FXN: variants seen among roughly 807,000 people sequenced by gnomAD.
FXN encodes frataxin, mitochondrial.
In FXN, 14 loss-of-function variants were observed where a neutral mutation model predicts 22.4. The observed-to-expected ratio is 0.62, with a 90% CI of 0.41 to 0.98. The LOEUF is 0.98. FXN is among the 50% of genes least tolerant of loss of function. FXN has a pLI of 0.00. For synonymous variants in FXN, 120 were observed against 114.1 expected (o/e 1.05, Z -0.33); for missense variants, 267 against 268.4 (o/e 0.99, Z 0.04).
At chr9:69,047,662 A>G (rs900154968) in intron 2 of FXN, among the ~76,000 whole-genome samples, 11 of 152,216 alleles carry the variant, frequency 7.2e-5, no homozygotes, top group Non-Finnish European at 2.9e-5. Context: ...TTGGGGTTCC[A>G]CAGGGTGTTT....
intron 3 of FXN, among the ~76,000 whole-genome samples, chr9:69,060,173 T>A (rs11144981): frequency 6.6e-6 from 1 of 151,818 alleles, no homozygotes; most frequent in Admixed American, 6.6e-5. Flanking sequence ...TCGAGACCAT[T>A]CTGGCTAACA....
intron 3 of FXN, among the ~76,000 whole-genome samples, chr9:69,056,457 TAACAC>T (rs1831960471): frequency 6.6e-6 from 1 of 152,176 alleles, no homozygotes; most frequent in African/African-American, 2.4e-5. Context: ...GGCAGAAACT[TAACAC>T]TAACATGTAT....
In FXN at chr9:69,075,735, C is replaced by T. The variant is rs768315920; in HGVS notation, c.*2973C>T. The T allele has an allele frequency of 2.9e-5, 28 of 980,764 alleles. No individual in the cohort carries two copies. Among genetic ancestry groups the T allele is most frequent in the Admixed American group, 1.8e-4 (3 of 16,242 alleles). The allele number at this position is 980,764 out of a possible 1,614,324, so 60.8% of individuals were successfully genotyped here. ...ACAATCTTAGAAAACTTTTTTTTCC[C>T]CTTTCTATTTTTTGAGACAGGATCT... is the stretch of plus-strand genomic sequence containing the variant. On this transcript the variant is annotated 3_prime_UTR_variant, in exon 5 of 5. Transcript: ENST00000484259.
rs188391059 is a variant in FXN, at chr9:69,075,956, C to T, written c.*3194C>T. ...TTAGGCTCAAGTGATCCACCTGCCTCGTCCTCCCAAGATGCTGGGATTACA... is the reference window on the plus strand; with the variant it reads ...TTAGGCTCAAGTGATCCACCTGCCTTGTCCTCCCAAGATGCTGGGATTACA... On this transcript the variant is annotated 3_prime_UTR_variant, in exon 5 of 5. Coordinates refer to ENST00000484259, the MANE Select transcript of FXN (RefSeq NM_000144.5). 3,743 of 901,822 alleles carry T rather than the reference C, an allele frequency of 4.2e-3. 8 individuals carry two copies. The highest frequency in any genetic ancestry group is 4.8e-3 in the Non-Finnish European group (3,599 of 754,328). 55.9% of individuals were successfully genotyped at this position (901,822 alleles called of 1,614,324 possible).
rs896258611 is a variant in FXN, at chr9:69,041,981, G to A, written c.166-4404G>A. On this transcript the variant is annotated intron_variant, in intron 1 of 4. Coordinates refer to ENST00000484259, the MANE Select transcript of FXN (RefSeq NM_000144.5). ...ATCATGGCCAGGTGCGGTGGCTTAC[G>A]CCTGTAATCCCAGCACTTTGGGAGG... Among the ~76,000 whole-genome samples, 8 of 152,234 alleles carry A rather than the reference G, an allele frequency of 5.3e-5. No individual in the cohort carries two copies. The East Asian group carries it at 7.7e-4, about 15-fold the overall frequency.
At chr9:69,051,223 T>C (rs1191904221) in intron 2 of FXN, among the ~76,000 whole-genome samples, 1 of 152,216 alleles carries the variant, frequency 6.6e-6, no homozygotes, top group East Asian at 1.9e-4. Flanking sequence ...CTCAGGCTCC[T>C]GAGGAGCTAG....
chr9:69,051,935 C>A lies in FXN; in HGVS notation c.264-1205C>A, dbSNP rs2481600. Among the ~76,000 whole-genome samples the A allele has an allele frequency of 2.0e-5, 3 of 151,768 alleles. 1 individual carries two copies. Among genetic ancestry groups the A allele is most frequent in the African/African-American group, 7.3e-5 (3 of 41,318 alleles). ...CCACCTCAGCTCACTGCAACCTCCG[C>A]CCCCTGGATTCAAGAGATTATCCTG... On this transcript the variant is annotated intron_variant, in intron 2 of 4. Coordinates refer to ENST00000484259, the MANE Select transcript of FXN (RefSeq NM_000144.5).
At chr9:69,054,292 G>T (rs1416811516) in intron 3 of FXN, among the ~76,000 whole-genome samples, 1 of 152,186 alleles carries the variant, frequency 6.6e-6, no homozygotes, top group Non-Finnish European at 1.5e-5. Flanking sequence ...GAGCCACCAG[G>T]TCCGGCCTGG....
intron 1 of FXN, among the ~76,000 whole-genome samples, chr9:69,036,857 C>T (rs1316569404): frequency 2.0e-5 from 3 of 152,040 alleles, no homozygotes; most frequent in African/African-American, 7.3e-5. Context: ...TAATGAGGGT[C>T]TTGAAGATGC....
At chr9:69,051,567 A>G (rs1831850727) in intron 2 of FXN, among the ~76,000 whole-genome samples, 2 of 152,220 alleles carry the variant, frequency 1.3e-5, no homozygotes, top group African/African-American at 4.8e-5. Flanking sequence ...CCAAAAATAT[A>G]AAGTTGACAT....
chr9:69,077,517 AAGTC>A lies in FXN; in HGVS notation c.*4758_*4761del. The A allele has an allele frequency of 1.0e-6, 1 of 985,460 alleles. No homozygotes were observed. Among genetic ancestry groups the A allele is most frequent in the South Asian group, 4.7e-5 (1 of 21,288 alleles). 61.0% of individuals were successfully genotyped at this position (985,460 alleles called of 1,614,324 possible). The stretch of plus-strand genomic sequence containing the variant: ...CTCAAAGATTTTCTTCTCCTGTGGA[AAGTC>A]AGACCTCTGAGGCCCCATCCAGGTA... On this transcript the variant is annotated 3_prime_UTR_variant, in exon 5 of 5. Coordinates refer to ENST00000484259, the MANE Select transcript of FXN (RefSeq NM_000144.5).
intron 3 of FXN, among the ~76,000 whole-genome samples, chr9:69,054,925 T>C (rs1291824335): frequency 2.6e-5 from 4 of 152,112 alleles, no homozygotes; most frequent in East Asian, 1.9e-4. Context: ...ACTAAAGCGA[T>C]AGAAATAGTA....
chr9:69,074,233 C>T lies in FXN; in HGVS notation c.*1471C>T. ...TAATAATAGCCATCCTTTATTGTAC[C>T]CTTACTGGGTTAATCGTATTATACC... On this transcript the variant is annotated 3_prime_UTR_variant, in exon 5 of 5. Transcript: ENST00000484259. 1 of 970,110 alleles carries T rather than the reference C, an allele frequency of 1.0e-6. No homozygotes were observed. Among genetic ancestry groups the T allele is most frequent in the Admixed American group, 6.2e-5 (1 of 16,210 alleles). The allele number at this position is 970,110 out of a possible 1,614,324, so 60.1% of individuals were successfully genotyped here. A position where few individuals can be genotyped will look rare whatever the true frequency, so the allele number is the denominator to read the frequency against.
intron 1 of FXN, among the ~76,000 whole-genome samples, chr9:69,038,193 T>C (rs535285154): frequency 6.6e-6 from 1 of 152,344 alleles, no homozygotes; most frequent in African/African-American, 2.4e-5. Flanking sequence ...CCCTTGCACA[T>C]CTTGGGTATT....
chr9:69,056,196 G>A lies in FXN; in HGVS notation c.384+2936G>A, dbSNP rs117732297. 9.8e-3 allele frequency among the ~76,000 whole-genome samples: 1,495 copies of A among 152,290 alleles called. 8 individuals carry two copies. The highest frequency in any genetic ancestry group is 0.016 in the Non-Finnish European group (1,118 of 68,018). ...ACCCAGCCACAAATCTATAAATTTA[G>A]AAAGGAGGACTATTTCTAAAGAGGG... On this transcript the variant is annotated intron_variant, in intron 3 of 4. Coordinates refer to ENST00000484259, the MANE Select transcript of FXN (RefSeq NM_000144.5).
rs541869498 is a variant in FXN at position 69,059,544 on chromosome 9, C to T, written c.385-5394C>T. On this transcript the variant is annotated intron_variant, in intron 3 of 4. Coordinates refer to ENST00000484259, the MANE Select transcript of FXN (RefSeq NM_000144.5). ...TCTCCCGAGTAACTGGGATTACAGG[C>T]GCGTGCCACTATGTCCAGCTAATTT... Among the ~76,000 whole-genome samples the T allele has an allele frequency of 5.4e-5, 8 of 147,696 alleles. 1 individual carries two copies. Among genetic ancestry groups the T allele is most frequent in the South Asian group, 4.5e-4 (2 of 4,416 alleles).
chr9:69,079,044 A>T lies in FXN; in HGVS notation c.*6282A>T. On this transcript the variant is annotated 3_prime_UTR_variant, in exon 5 of 5. Transcript: ENST00000484259. ...AATGTGTTATAATTATATGTTTAAG[A>T]TAGTTGTTCAAATAAACTCTAAATA... is the stretch of plus-strand genomic sequence containing the variant. The T allele has an allele frequency of 1.1e-6, 1 of 879,450 alleles. No individual in the cohort carries two copies. Among genetic ancestry groups the T allele is most frequent in the Non-Finnish European group, 1.4e-6 (1 of 733,770 alleles). 54.5% of individuals were successfully genotyped at this position (879,450 alleles called of 1,614,324 possible). A position where few individuals can be genotyped will look rare whatever the true frequency, so the allele number is the denominator to read the frequency against.
Position 69,053,296 on chromosome 9 carries a change from C to G in FXN, c.384+36C>G, listed in dbSNP as rs376500042. On this transcript the variant is annotated intron_variant, in intron 3 of 4. Transcript: ENST00000484259. ...ACTTCTTTTATTTTTCTGTTTCCCC[C>G]TCTAAGAATTTTAGTTCACTAAAAT... 5.8e-5 allele frequency: 94 copies of G among 1,608,502 alleles called. 1 individual carries two copies. The Middle Eastern group carries it at 1.2e-3, about 20-fold the overall frequency.
chr9:69,046,568 A>G lies in FXN; in HGVS notation c.263+86A>G, dbSNP rs3793454. On this transcript the variant is annotated intron_variant, in intron 2 of 4. Transcript: ENST00000484259. ...TTAGAACCTGGTTTTCTTCCTGAGC[A>G]GCAACAATCTTAGGCATCTTTCCAT... 9.0e-5 allele frequency: 80 copies of G among 889,028 alleles called. No individual in the cohort carries two copies. The East Asian group carries it at 2.1e-3, about 23-fold the overall frequency. The allele number at this position is 889,028 out of a possible 1,614,324, so 55.1% of individuals were successfully genotyped here.
Sources: gnomAD v4.1 joint callset for allele counts (sites outside exome capture counted in the v4.1 genomes callset) on GRCh38, gnomAD v4.1.1 for gene constraint, MANE v1.5 for transcripts, NCBI Gene and HGNC (gene_info 2026-07-23, HGNC 2026-07-21) for gene names.